The following MACROH2A1 variants were observed in gnomAD, a reference collection of about 807,000 sequenced individuals.
The protein encoded by MACROH2A1 is core histone macro-H2A.1.
Under a neutral mutation model 31.6 loss-of-function variants are expected in MACROH2A1, and 2 were observed. The observed-to-expected ratio is 0.06, with a 90% CI of 0.03 to 0.20. The LOEUF (loss-of-function observed/expected upper bound fraction) is 0.20, where lower values mean the gene tolerates loss of function less well. Ranked by LOEUF, MACROH2A1 falls within the 10% of genes least tolerant of loss-of-function variation. The pLI is 1.00. For synonymous variants in MACROH2A1, 169 were observed against 189.6 expected, an observed-to-expected ratio of 0.89 and a Z score of 0.89; for missense variants, 230 against 474.0, an observed-to-expected ratio of 0.49 and a Z score of 4.78.
Position 135,376,154 on chromosome 5 carries a change from T to C in MACROH2A1, c.173-6012A>G, listed in dbSNP as rs982416414. ...AGAATTCCATAGAGAAAATAAAACC[T>C]ACAGCAGTGATTGAAAGTAGTATTC... is the stretch of plus-strand genomic sequence containing the variant. On this transcript the variant is annotated intron_variant, in intron 2 of 8. Coordinates refer to ENST00000511689, the MANE Select transcript of MACROH2A1 (RefSeq NM_138610.3). Among the ~76,000 whole-genome samples, 4 of 152,216 alleles carry C rather than the reference T, an allele frequency of 2.6e-5. No individual in the cohort carries two copies. The South Asian group carries it at 8.3e-4, about 32-fold the overall frequency.
intron 8 of MACROH2A1, among the ~76,000 whole-genome samples, chr5:135,341,276 A>AT (rs1759805092): frequency 6.6e-6 from 1 of 152,176 alleles, no homozygotes; most frequent in South Asian, 2.1e-4. Flanking sequence ...GTCACACAGG[A>AT]TAGGAGAGCT....
At chr5:135,360,841 TTAAAGG>T (rs1407800382) in intron 4 of MACROH2A1, 2 of 670,704 alleles carry the variant, frequency 3.0e-6, no homozygotes, top group Non-Finnish European at 5.4e-6. Context: ...AACCAGCCAC[TTAAAGG>T]TAAAACTTCA....
At chr5:135,357,985 CAGAT>C (rs1762382132) in intron 5 of MACROH2A1, 4 of 985,208 alleles carry the variant, frequency 4.1e-6, no homozygotes, top group Admixed American at 6.1e-5. Flanking sequence ...TTCAGTGTCA[CAGAT>C]AGAAAAATGA....
chr5:135,379,653 T>C (rs930329300), intron 2 of MACROH2A1, among the ~76,000 whole-genome samples: 1 of 152,096 alleles, frequency 6.6e-6, no homozygotes, highest in Non-Finnish European at 1.5e-5. Context: ...ACACTGTAAA[T>C]ATGTTCTATC....
chr5:135,369,488 G>T lies in MACROH2A1; in HGVS notation c.395C>A (p.Pro132Gln). ...GKLEAIITPP[P>Q]AKKAKSPSQK... ...GGATGGAGACTTGGCCTTTTTGGCT[G>T]GGGGTGGTGTGATGATGGCTTCCAA... The change falls in exon 4 of 9, where the codon CCA becomes CAA. Residue 132 changes from proline (P) to glutamine (Q), a missense_variant. Coordinates refer to ENST00000511689, the MANE Select transcript of MACROH2A1 (RefSeq NM_138610.3). The surrounding 1 kb of genome is among the most constrained non-coding windows in gnomAD (Gnocchi z 4.3). 1.2e-6 allele frequency: 2 copies of T among 1,614,088 alleles called. No individual in the cohort carries two copies. Among genetic ancestry groups the T allele is most frequent in the Non-Finnish European group, 1.7e-6 (2 of 1,179,938 alleles).
At chr5:135,349,787 C>T (rs1473506524) in intron 6 of MACROH2A1, among the ~76,000 whole-genome samples, 2 of 152,218 alleles carry the variant, frequency 1.3e-5, no homozygotes, top group Non-Finnish European at 2.9e-5. Flanking sequence ...TATATATACA[C>T]ATGAGTGATA....
intron 8 of MACROH2A1, among the ~76,000 whole-genome samples, chr5:135,341,855 C>T (rs1302780573): frequency 6.6e-6 from 1 of 152,254 alleles, no homozygotes; most frequent in Non-Finnish European, 1.5e-5. Flanking sequence ...CCAGAAGGGA[C>T]AGCCTGCAGT....
chr5:135,397,793 G>A (rs1419360082), intron 1 of MACROH2A1, among the ~76,000 whole-genome samples: 1 of 152,042 alleles, frequency 6.6e-6, no homozygotes, highest in Non-Finnish European at 1.5e-5. Flanking sequence ...GCCTAAAGGT[G>A]GCCTGCAGTA....
At chr5:135,351,052 A>G (rs963667294) in intron 6 of MACROH2A1, 2 of 626,704 alleles carry the variant, frequency 3.2e-6, no homozygotes, top group Non-Finnish European at 5.9e-6. Context: ...CAGTCCACGC[A>G]GTGTGCGCAC....
chr5:135,362,848 AAATAG>A (rs1763009110), intron 4 of MACROH2A1: 1 of 152,246 alleles, frequency 6.6e-6, no homozygotes, highest in Non-Finnish European at 1.5e-5. Flanking sequence ...CAGAACTAAA[AAATAG>A]AATAGAAATG....
chr5:135,347,242 C>CA (rs1760956153), intron 6 of MACROH2A1: 1 of 152,194 alleles, frequency 6.6e-6, no homozygotes, highest in South Asian at 2.1e-4. Flanking sequence ...GTTTGTTCTG[C>CA]AGGGGTGAAC....
In MACROH2A1 at chr5:135,362,969, G is replaced by A. The variant is rs185987704; in HGVS notation, c.478-2362C>T. On this transcript the variant is annotated intron_variant, in intron 4 of 8. Transcript: ENST00000511689. ...ACAGTCACAGGACATAAAAGTGATA[G>A]TACTCTGAAGTTTGAACTCTGAAGT... The A allele has an allele frequency of 2.2e-4, 33 of 152,308 alleles. No individual in the cohort carries two copies. In the East Asian group the frequency reaches 6.2e-3, roughly 28 times the overall value. The allele number at this position is 152,308 out of a possible 1,614,324, so 9.4% of individuals were successfully genotyped here. A position where few individuals can be genotyped will look rare whatever the true frequency, so the allele number is the denominator to read the frequency against.
chr5:135,399,396 C>G (rs1312305576), upstream of MACROH2A1: 2 of 152,472 alleles, frequency 1.3e-5, no homozygotes, highest in African/African-American at 4.8e-5. This position sits in a 1 kb window ranked among gnomAD's most constrained non-coding sequence, Gnocchi z 4.5. Context: ...GCCCAGGCAC[C>G]AGCCCGCACC....
At chr5:135,354,350 C>T (rs751662412) in intron 5 of MACROH2A1, 3 of 152,234 alleles carry the variant, frequency 2.0e-5, no homozygotes, top group Non-Finnish European at 4.4e-5. Context: ...GTCAGATTCT[C>T]AAAGAGGGAT....
At position 135,345,956 on chromosome 5, in the gene MACROH2A1, T is replaced by C; in HGVS notation, c.778+12A>G. On this transcript the variant is annotated intron_variant, in intron 7 of 8. Coordinates refer to ENST00000511689, the MANE Select transcript of MACROH2A1 (RefSeq NM_138610.3). ...TCACAACCAGATAAGCACGGTGGCT[T>C]TCCCACCTCACCTCCAGCTACTTCC... is the stretch of plus-strand genomic sequence containing the variant. The C allele has an allele frequency of 6.3e-7, 1 of 1,578,396 alleles. No homozygotes were observed. Among genetic ancestry groups the C allele is most frequent in the Non-Finnish European group, 8.7e-7 (1 of 1,147,434 alleles).
chr5:135,361,769 A>T (rs1056999298), intron 4 of MACROH2A1: 22 of 152,216 alleles, frequency 1.4e-4, no homozygotes, highest in Admixed American at 1.4e-3. Flanking sequence ...AAATTCATTA[A>T]CAGGAGCATA....
chr5:135,368,402 A>G (rs938342087), intron 4 of MACROH2A1, among the ~76,000 whole-genome samples: 3 of 152,256 alleles, frequency 2.0e-5, no homozygotes, highest in Non-Finnish European at 4.4e-5. Context: ...TCATGTAGGA[A>G]GAACTTCCTG....
intron 1 of MACROH2A1, among the ~76,000 whole-genome samples, chr5:135,389,918 C>T (rs958249157): frequency 6.6e-6 from 1 of 152,234 alleles, no homozygotes; most frequent in South Asian, 2.1e-4. Context: ...GTGGGGCAAT[C>T]TGGGTACACA....
intron 5 of MACROH2A1, chr5:135,358,324 A>T: frequency 1.0e-6 from 1 of 985,434 alleles, no homozygotes; most frequent in Non-Finnish European, 1.2e-6. Context: ...GCTTAGGCTG[A>T]CTTAAGATGC....
Sources: gnomAD v4.1 joint callset for allele counts (sites outside exome capture counted in the v4.1 genomes callset) on GRCh38, gnomAD v4.1.1 for gene constraint, Gnocchi (gnomAD v3.1) non-coding constraint, MANE v1.5 for transcripts, NCBI Gene and HGNC (gene_info 2026-07-23, HGNC 2026-07-21) for gene names.